Variants in PREX1 observed in about 807,000 individuals in gnomAD.
PREX1 encodes the protein phosphatidylinositol-3,4,5-trisphosphate dependent Rac exchange factor 1.
Under a neutral mutation model 198.3 loss-of-function variants are expected in PREX1, and 41 were observed. The ratio of observed to expected loss-of-function variants is 0.21; its 90% confidence interval spans 0.16 to 0.27. The LOEUF (loss-of-function observed/expected upper bound fraction) is 0.27, where lower values mean the gene tolerates loss of function less well. Among genes scored for constraint, PREX1 ranks in the 10% least tolerant of loss-of-function variants. The pLI is 1.00. For missense variants in PREX1, 1,620 were observed against 2,200.7 expected (o/e 0.74, Z 5.28); for synonymous variants, 843 against 887.2 (o/e 0.95, Z 0.89).
At chr20:48,776,776 A>G (rs1382759563) in intron 1 of PREX1, among the ~76,000 whole-genome samples, 1 of 152,242 alleles carries the variant, frequency 6.6e-6, no homozygotes, top group Non-Finnish European at 1.5e-5. Context: ...ACAAAAAATC[A>G]GAACAGCAGG....
chr20:48,682,837 G>T (rs1410686327), intron 10 of PREX1, among the ~76,000 whole-genome samples: 1 of 152,224 alleles, frequency 6.6e-6, no homozygotes, highest in Non-Finnish European at 1.5e-5. Flanking sequence ...GAAAGCAGGT[G>T]GCAGCTGGCC....
chr20:48,834,207 A>G, the PREX1 span, among the ~76,000 whole-genome samples: 2 of 152,170 alleles, frequency 1.3e-5, no homozygotes, highest in South Asian at 4.1e-4. Context: ...AAAAGTTGAG[A>G]AAAGGGTTCA....
chr20:48,787,868 G>A (rs1235772911), intron 1 of PREX1, among the ~76,000 whole-genome samples: 1 of 152,128 alleles, frequency 6.6e-6, no homozygotes, highest in Non-Finnish European at 1.5e-5. Flanking sequence ...GCCACCAGAT[G>A]CTGGAGGAGG....
chr20:48,632,232 G>A, intron 35 of PREX1, 45 bp downstream of exon 35: 2 of 1,582,448 alleles, frequency 1.3e-6, no homozygotes, highest in Non-Finnish European at 1.7e-6. Context: ...ACTCCACGTG[G>A]AGGTTTCCTG....
chr20:48,672,341 A>C (rs969733115), intron 14 of PREX1, among the ~76,000 whole-genome samples: 2 of 152,130 alleles, frequency 1.3e-5, no homozygotes, highest in Non-Finnish European at 2.9e-5. Flanking sequence ...AACATCCAGA[A>C]TCTGACCATT....
Position 48,642,408 on chromosome 20 carries a change from T to A in PREX1, c.3683A>T (p.Gln1228Leu). ...LHGCLEHLFN[Q>L]VDSINALLKG... is the part of the protein sequence containing the mutation. ...CCAGGAGTGGGGCAAAGGTCCTACCTGGTTAAAGAGGTGCTCCAGGCAGCC... is the reference window on the plus strand; with the variant it reads ...CCAGGAGTGGGGCAAAGGTCCTACCAGGTTAAAGAGGTGCTCCAGGCAGCC... Residue 1228 changes from glutamine (Q) to leucine (L), a missense_variant and splice_region_variant, in exon 28 of 40, where the codon CAG becomes CTG. Physicochemically the swap from Gln to Leu is moderately radical, Grantham distance 113. Coordinates refer to ENST00000371941, the MANE Select transcript of PREX1 (RefSeq NM_020820.4). The A allele has an allele frequency of 1.2e-6, 2 of 1,612,810 alleles. No individual in the cohort carries two copies. Among genetic ancestry groups the A allele is most frequent in the Non-Finnish European group, 1.7e-6 (2 of 1,179,090 alleles).
intron 4 of PREX1, among the ~76,000 whole-genome samples, chr20:48,732,522 C>T (rs998005902): frequency 2.6e-5 from 4 of 152,028 alleles, no homozygotes; most frequent in African/African-American, 7.3e-5. Flanking sequence ...CGTCTGTGAC[C>T]GAATGAGAAG....
At chr20:48,792,849 CACACAT>C (rs1944463457) in intron 1 of PREX1, among the ~76,000 whole-genome samples, 1 of 148,528 alleles carries the variant, frequency 6.7e-6, no homozygotes, top group African/African-American at 2.5e-5. Context: ...CACACACACA[CACACAT>C]AGTATGATTC....
chr20:48,861,428 C>T, the PREX1 span, among the ~76,000 whole-genome samples: 2 of 152,172 alleles, frequency 1.3e-5, no homozygotes, highest in East Asian at 1.9e-4. Flanking sequence ...TCCGGCCACC[C>T]GGGGGCTATG....
Position 48,632,513 on chromosome 20 carries a change from G to A in PREX1, c.4394C>T (p.Thr1465Ile). The A allele has an allele frequency of 1.9e-6, 3 of 1,614,056 alleles. No homozygotes were observed. The highest frequency in any genetic ancestry group is 2.5e-6 in the Non-Finnish European group (3 of 1,179,998). Residue 1465 changes from threonine to isoleucine, a missense_variant, in exon 34 of 40, where the codon ACA (threonine) becomes ATA (isoleucine). Around this residue, in one of 7 missense-constraint regions of PREX1, gnomAD observed 476 missense variants for 603.4 expected, o/e 0.79. Coordinates refer to ENST00000371941, the MANE Select transcript of PREX1 (RefSeq NM_020820.4). ...AAGCTCACCTTTCGTGAACAGCGCT[G>A]TGTGCAGCCTCAGGCTGGCCCCACC... ...LEGGASLRLH[T>I]ALFTKVLENV...
chr20:48,809,591 G>A (rs2090425807), intron 1 of PREX1, among the ~76,000 whole-genome samples: 2 of 152,226 alleles, frequency 1.3e-5, no homozygotes. Flanking sequence ...CTCAGCAGTG[G>A]TAGCAATGCC....
the PREX1 span, among the ~76,000 whole-genome samples, chr20:48,881,080 T>G: frequency 6.9e-6 from 1 of 144,930 alleles, no homozygotes; most frequent in Non-Finnish European, 1.5e-5. Context: ...ACATGGGACA[T>G]GTGGACGATA....
intron 25 of PREX1, 96 bp from the exon 26 acceptor site, chr20:48,646,153 G>C: frequency 1.6e-6 from 2 of 1,252,864 alleles, no homozygotes; most frequent in African/African-American, 3.0e-5. Context: ...GTGAGCACTG[G>C]CCCTCCTGTT....
chr20:48,742,187 T>C (rs966504094), intron 3 of PREX1, among the ~76,000 whole-genome samples: 2 of 152,140 alleles, frequency 1.3e-5, no homozygotes, highest in African/African-American at 4.8e-5. Context: ...ATAGATCGCC[T>C]GGAATGGGGC....
At chr20:48,769,459 C>T (rs896318499) in intron 1 of PREX1, among the ~76,000 whole-genome samples, 1 of 152,176 alleles carries the variant, frequency 6.6e-6, no homozygotes, top group Non-Finnish European at 1.5e-5. Context: ...AGGCATGGGG[C>T]CGGCTTCGTA....
Position 48,691,364 on chromosome 20 carries a change from C to T in PREX1, c.1037-268G>A, listed in dbSNP as rs1037769012. 6.6e-6 allele frequency among the ~76,000 whole-genome samples: 1 copy of T among 152,216 alleles called. No homozygotes were observed. Among genetic ancestry groups the T allele is most frequent in the African/African-American group, 2.4e-5 (1 of 41,454 alleles). ...CATCTAGGCACAAACACAGCAGTGACTCATGGGGAGACACTTGCTTGGAGC... is the reference window on the plus strand; with the variant it reads ...CATCTAGGCACAAACACAGCAGTGATTCATGGGGAGACACTTGCTTGGAGC... On this transcript the variant is annotated intron_variant, in intron 8 of 39. Transcript: ENST00000371941. The surrounding 1 kb of genome is among the most constrained non-coding windows in gnomAD (Gnocchi z 5.0).
At chr20:48,791,521 T>TG (rs1055568611) in intron 1 of PREX1, among the ~76,000 whole-genome samples, 1 of 152,116 alleles carries the variant, frequency 6.6e-6, no homozygotes, top group Non-Finnish European at 1.5e-5. Context: ...TTTATGACCC[T>TG]GGGGGGTGAC....
chr20:48,677,779 GT>G (rs1395254165), intron 13 of PREX1, among the ~76,000 whole-genome samples: 2 of 151,798 alleles, frequency 1.3e-5, no homozygotes, highest in Admixed American at 6.6e-5. Flanking sequence ...GAGATCAGGA[GT>G]TTTGAGACCA....
chr20:48,791,094 TA>T (rs1444137048), intron 1 of PREX1, among the ~76,000 whole-genome samples: 2 of 152,226 alleles, frequency 1.3e-5, no homozygotes, highest in East Asian at 3.9e-4. Flanking sequence ...TGCAAGGAGA[TA>T]TGCATGCAGA....
Sources: gnomAD v4.1 joint callset for allele counts (sites outside exome capture counted in the v4.1 genomes callset) on GRCh38, gnomAD v4.1.1 for gene constraint, gnomAD v4.1.1 regional missense constraint, Gnocchi (gnomAD v3.1) non-coding constraint, MANE v1.5 for transcripts, NCBI Gene and HGNC (gene_info 2026-07-23, HGNC 2026-07-21) for gene names.